Variants in ARHGAP22 observed in about 807,000 individuals in gnomAD.
ARHGAP22 encodes Rho GTPase activating protein 22, also known as rho GTPase-activating protein 22.
ARHGAP22 carries 48 observed loss-of-function variants against 59.1 expected under a neutral mutation model. The observed-to-expected ratio is 0.81, with a 90% CI of 0.64 to 1.03. The LOEUF (loss-of-function observed/expected upper bound fraction) is 1.03, where lower values mean the gene tolerates loss of function less well. Ranked by LOEUF, ARHGAP22 falls within the 50% of genes least tolerant of loss-of-function variation. ARHGAP22 has a pLI of 0.00. For missense variants in ARHGAP22, 1,015 were observed against 958.7 expected (o/e 1.06, Z -0.78); for synonymous variants, 445 against 416.4 (o/e 1.07, Z -0.84).
rs34557935 is a variant in ARHGAP22, at chr10:48,577,801, G to GT, written c.234+5151dup. 9.5e-3 allele frequency among the ~76,000 whole-genome samples: 565 copies of GT among 59,178 alleles called. 41 individuals are homozygous for GT. The highest frequency in any genetic ancestry group is 0.014 in the African/African-American group (207 of 15,198). The allele number at this position is 59,178 out of a possible 152,430, so 38.8% of individuals were successfully genotyped here. A position where few individuals can be genotyped will look rare whatever the true frequency, so the allele number is the denominator to read the frequency against. ...TCTGAGATCTAACTGCTCTTTTTTG[G>GT]TTTTTTTTTTTTTTTTTTTTTTTTT... On this transcript the variant is annotated intron_variant, in intron 2 of 9. Coordinates refer to ENST00000249601, the MANE Select transcript of ARHGAP22 (RefSeq NM_021226.4).
At chr10:48,485,680 T>C (rs765163642) in intron 3 of ARHGAP22, among the ~76,000 whole-genome samples, 5 of 152,236 alleles carry the variant, frequency 3.3e-5, no homozygotes, top group Non-Finnish European at 5.9e-5. Context: ...GAAGCTGTTA[T>C]GGAGCATAAA....
At chr10:48,432,521 G>A in the ARHGAP22 span, among the ~76,000 whole-genome samples, 1 of 152,006 alleles carries the variant, frequency 6.6e-6, no homozygotes, top group East Asian at 1.9e-4. Context: ...CAAATTTAAA[G>A]CTCTATTATA....
At position 48,582,884 on chromosome 10, in the gene ARHGAP22, T is replaced by C. The variant is rs1035468944; in HGVS notation, c.234+69A>G. The stretch of plus-strand genomic sequence containing the variant: ...GGCTCTGTGCCTTCCTCCCTTCTCC[T>C]GGGCATGGTCTTCCCTCTTGTGGAG... On this transcript the variant is annotated intron_variant, in intron 2 of 9. Coordinates refer to ENST00000249601, the MANE Select transcript of ARHGAP22 (RefSeq NM_021226.4). 11 of 1,563,156 alleles carry C rather than the reference T, an allele frequency of 7.0e-6. No individual in the cohort carries two copies. In the South Asian group the frequency reaches 8.1e-5, roughly 12 times the overall value.
At chr10:48,516,289 C>T (rs2053279513) in intron 3 of ARHGAP22, among the ~76,000 whole-genome samples, 3 of 152,140 alleles carry the variant, frequency 2.0e-5, no homozygotes, top group African/African-American at 7.2e-5. Flanking sequence ...CTTTGGGAGG[C>T]CAAGGCAGGA....
intron 1 of ARHGAP22, among the ~76,000 whole-genome samples, chr10:48,651,965 T>C (rs1350545228): frequency 6.6e-6 from 1 of 152,112 alleles, no homozygotes; most frequent in African/African-American, 2.4e-5. Flanking sequence ...TTACAGACTC[T>C]GAATGCAATC....
At chr10:48,631,848 G>C (rs201265287) in intron 1 of ARHGAP22, among the ~76,000 whole-genome samples, 12 of 151,706 alleles carry the variant, frequency 7.9e-5, no homozygotes, top group Non-Finnish European at 1.3e-4. Context: ...ATGTAGATCT[G>C]AGTTTCTCAC....
chr10:48,451,316 A>AGGCAGGACAGCAGGATGGGGC, intron 8 of ARHGAP22, 176 bp from the exon 9 acceptor site: 1 of 875,542 alleles, frequency 1.1e-6, no homozygotes, highest in Non-Finnish European at 1.9e-6. Context: ...CTCCAACTCC[A>AGGCAGGACAGCAGGATGGGGC]GGCAGGACAG....
chr10:48,474,085 T>A (rs200964073), intron 4 of ARHGAP22, among the ~76,000 whole-genome samples: 1 of 152,234 alleles, frequency 6.6e-6, no homozygotes, highest in African/African-American at 2.4e-5. Flanking sequence ...TTCCTGAACA[T>A]GGGATGTCTT....
intron 3 of ARHGAP22, among the ~76,000 whole-genome samples, chr10:48,513,548 C>T (rs1301938957): frequency 6.6e-6 from 1 of 152,204 alleles, no homozygotes; most frequent in East Asian, 1.9e-4. Flanking sequence ...ATATTTCTGA[C>T]AAATCATTGG....
At chr10:48,648,054 C>A (rs1002584046) in intron 1 of ARHGAP22, among the ~76,000 whole-genome samples, 1 of 152,182 alleles carries the variant, frequency 6.6e-6, no homozygotes. Flanking sequence ...GGGTTAGTTG[C>A]AGATGGGCTT....
chr10:48,508,027 G>A (rs535531361), intron 3 of ARHGAP22, among the ~76,000 whole-genome samples: 3 of 152,178 alleles, frequency 2.0e-5, no homozygotes, highest in East Asian at 1.9e-4. Context: ...CCTGCTTCTC[G>A]GGCCATCCCT....
intron 3 of ARHGAP22, among the ~76,000 whole-genome samples, chr10:48,491,560 C>T (rs2050393075): frequency 6.6e-6 from 1 of 152,228 alleles, no homozygotes; most frequent in Non-Finnish European, 1.5e-5. Flanking sequence ...CCGACTCTGT[C>T]TATTTTATAG....
intron 4 of ARHGAP22, among the ~76,000 whole-genome samples, chr10:48,460,316 A>T (rs1002450793): frequency 5.3e-5 from 8 of 152,234 alleles, no homozygotes; most frequent in Admixed American, 5.2e-4. Flanking sequence ...CAGCAATGAG[A>T]ATAAATGAGG....
At chr10:48,504,134 T>G (rs1485039766) in intron 3 of ARHGAP22, among the ~76,000 whole-genome samples, 3 of 152,134 alleles carry the variant, frequency 2.0e-5, no homozygotes, top group African/African-American at 7.2e-5. Context: ...GGACTCCATT[T>G]GGCCTCATGA....
chr10:48,462,144 TTGTGTGTGCA>T (rs992670547), intron 4 of ARHGAP22, among the ~76,000 whole-genome samples: 2 of 151,900 alleles, frequency 1.3e-5, no homozygotes, highest in African/African-American at 4.8e-5. Context: ...TAGTGTGGGC[TTGTGTGTGCA>T]TGTGTGTGCA....
At chr10:48,569,798 C>A (rs1465577529) in intron 2 of ARHGAP22, among the ~76,000 whole-genome samples, 2 of 152,180 alleles carry the variant, frequency 1.3e-5, no homozygotes, top group African/African-American at 4.8e-5. Context: ...GCTCTGGGTG[C>A]AAAACAATTC....
At chr10:48,643,520 G>A (rs574198152) in intron 1 of ARHGAP22, among the ~76,000 whole-genome samples, 4 of 150,558 alleles carry the variant, frequency 2.7e-5, no homozygotes, top group Admixed American at 2.0e-4. Context: ...ACCAAACATC[G>A]CATGTTCTCA....
At chr10:48,525,234 TGCTTGTGATTGCAAAAAG>T (rs1432353796) in intron 3 of ARHGAP22, among the ~76,000 whole-genome samples, 1 of 152,202 alleles carries the variant, frequency 6.6e-6, no homozygotes, top group East Asian at 1.9e-4. Flanking sequence ...ATGGCAGCCT[TGCTTGTGATTGCAAAAAG>T]TTGGAACCAC....
intron 1 of ARHGAP22, among the ~76,000 whole-genome samples, chr10:48,623,628 C>T (rs1303199725): frequency 6.6e-6 from 1 of 152,188 alleles, no homozygotes; most frequent in Non-Finnish European, 1.5e-5. Flanking sequence ...CAGGCAACAC[C>T]TCTATCCCTC....
Sources: allele counts gnomAD v4.1 joint callset (sites outside exome capture counted in the v4.1 genomes callset), GRCh38; gene constraint gnomAD v4.1.1; transcripts MANE v1.5; gene names NCBI Gene and HGNC (gene_info 2026-07-23, HGNC 2026-07-21).